The following ZNF746 variants were observed in gnomAD, a reference collection of about 807,000 sequenced individuals.
ZNF746 encodes parkin-interacting substrate.
A neutral mutation model predicts 41.0 loss-of-function variants in ZNF746; 13 were observed. The ratio of observed to expected loss-of-function variants is 0.32; its 90% confidence interval spans 0.21 to 0.50. The LOEUF is 0.50. ZNF746 is among the 20% of genes least tolerant of loss of function. The pLI, the probability that ZNF746 is intolerant of heterozygous loss-of-function variation, is 0.98. For synonymous variants in ZNF746, 424 were observed against 396.2 expected, an observed-to-expected ratio of 1.07 and a Z score of -0.83; for missense variants, 811 against 922.9, an observed-to-expected ratio of 0.88 and a Z score of 1.57.
At chr7:149,485,150 T>G (rs1474120147) in intron 4 of ZNF746, among the ~76,000 whole-genome samples, 4 of 107,628 alleles carry the variant, frequency 3.7e-5, no homozygotes, top group African/African-American at 1.3e-4. Flanking sequence ...CAAAAGTGAT[T>G]TAAAAAAAAA....
intron 4 of ZNF746, chr7:149,489,239 A>T (rs1408568375): frequency 7.4e-6 from 1 of 134,942 alleles, no homozygotes; most frequent in Non-Finnish European, 1.6e-5. Context: ...TATTTCACAC[A>T]CACACACACA....
rs201608764 is a variant in ZNF746 at position 149,479,777 on chromosome 7, G to A, written c.566-2022C>T. 3.3e-5 allele frequency among the ~76,000 whole-genome samples: 5 copies of A among 152,288 alleles called. No homozygotes were observed. The East Asian group carries it at 9.7e-4, about 29-fold the overall frequency. ...AGGCTGGGTACAGTGGCTCATGTCT[G>A]TAATCTCAGCAGTCTGGGAGGCTGA... is the stretch of plus-strand genomic sequence containing the variant. On this transcript the variant is annotated intron_variant, in intron 4 of 6. Transcript: ENST00000458143.
At chr7:149,493,220 T>C (rs1800869942) in intron 3 of ZNF746, among the ~76,000 whole-genome samples, 1 of 152,136 alleles carries the variant, frequency 6.6e-6, no homozygotes, top group Non-Finnish European at 1.5e-5. Context: ...GGGCTGCTGC[T>C]CAACATCCTA....
Position 149,494,440 on chromosome 7 carries a change from C to T in ZNF746, c.88G>A (p.Ala30Thr), listed in dbSNP as rs750121866. Residue 30 changes from alanine to threonine, a missense_variant, in exon 2 of 7, where the codon GCT (alanine) becomes ACT (threonine). Ala to Thr is a moderately conservative substitution (Grantham distance 58, BLOSUM62 0). Around this residue, in one of 4 missense-constraint regions of ZNF746, gnomAD observed 147 missense variants for 233.4 expected, o/e 0.63. Transcript: ENST00000458143. This position sits in a 1 kb window ranked among gnomAD's most constrained non-coding sequence, Gnocchi z 5.6. ...CGACCTTCTAGGGAAAGCAGGCGAG[C>T]AGCCTGCGATTCAATCTTCCTCTCC... The part of the protein sequence containing the change: ...AMERKIESQA[A>T]RLLSLEGRTG... 14 of 1,614,018 alleles carry T rather than the reference C, an allele frequency of 8.7e-6. No individual in the cohort carries two copies. Among genetic ancestry groups the T allele is most frequent in the Admixed American group, 5.0e-5 (3 of 60,024 alleles).
chr7:149,496,934 G>A (rs1801018162), intron 1 of ZNF746: 9 of 985,128 alleles, frequency 9.1e-6, no homozygotes, highest in Non-Finnish European at 1.1e-5. Context: ...CTAGGCCCCG[G>A]GTTTTTCTTT....
chr7:149,492,014 G>T, intron 4 of ZNF746: 1 of 702,492 alleles, frequency 1.4e-6, no homozygotes, highest in South Asian at 1.5e-5. Context: ...CCATAAGGCT[G>T]ACCAATGTAG....
rs139716496 is a variant in ZNF746 at position 149,494,942 on chromosome 7, C to T, written c.25-439G>A. Among the ~76,000 whole-genome samples the T allele has an allele frequency of 6.6e-6, 1 of 152,066 alleles. No individual in the cohort carries two copies. Among genetic ancestry groups the T allele is most frequent in the East Asian group, 1.9e-4 (1 of 5,158 alleles). On this transcript the variant is annotated intron_variant, in intron 1 of 6. Transcript: ENST00000458143. This position sits in a 1 kb window ranked among gnomAD's most constrained non-coding sequence, Gnocchi z 5.6. The stretch of plus-strand genomic sequence containing the variant: ...TGCAGATTTACTAGAGCGCAGCCTG[C>T]ACCTCCCCTCATGATTACACAGGAA...
At chr7:149,495,573 G>T (rs1325770309) in intron 1 of ZNF746, among the ~76,000 whole-genome samples, 6 of 152,134 alleles carry the variant, frequency 3.9e-5, no homozygotes, top group Non-Finnish European at 8.8e-5. Flanking sequence ...TCCTGGTATC[G>T]GGACCTGAGG....
In ZNF746 at chr7:149,474,899, T is replaced by G; in HGVS notation, c.1468A>C (p.Ser490Arg). The change falls in exon 7 of 7, where the codon AGC becomes CGC. Residue 490 changes from serine to arginine, a missense_variant. Around this residue, in one of 4 missense-constraint regions of ZNF746, gnomAD observed 495 missense variants for 481.6 expected, o/e 1.03. Coordinates refer to ENST00000458143, the MANE Select transcript of ZNF746 (RefSeq NM_001394198.1). The surrounding 1 kb of genome is among the most constrained non-coding windows in gnomAD (Gnocchi z 6.3). ...CCCGACCCGTCGGGCGCCCCACAGC[T>G]GCGCTGGTGCGCGCTCAGGCTGACT... is the stretch of plus-strand genomic sequence containing the variant. ...LQVSLSAHQR[S>R]CGAPDGSGPG... The G allele has an allele frequency of 2.0e-6, 3 of 1,534,254 alleles. No homozygotes were observed. Among genetic ancestry groups the G allele is most frequent in the Non-Finnish European group, 2.6e-6 (3 of 1,144,742 alleles).
Position 149,475,083 on chromosome 7 carries a change from C to T in ZNF746, c.1284G>A (p.Leu428=). The T allele has an allele frequency of 6.2e-7, 1 of 1,600,510 alleles. No homozygotes were observed. The highest frequency in any genetic ancestry group is 8.5e-7 in the Non-Finnish European group (1 of 1,174,404). Residue 428 remains leucine, a synonymous_variant, in exon 7 of 7, where the codon TTG becomes TTA. Coordinates refer to ENST00000458143, the MANE Select transcript of ZNF746 (RefSeq NM_001394198.1). ...ATGGCCTTGGGGCCTGGCTGGGGTCCAAGATGGCCTCTCCGTTGTCCGGGG... is the reference window on the plus strand; with the variant it reads ...ATGGCCTTGGGGCCTGGCTGGGGTCTAAGATGGCCTCTCCGTTGTCCGGGG... ...YSSPDNGEAI[L]DPSQAPRPFN... is the part of the protein sequence containing the mutation.
Position 149,488,419 on chromosome 7 carries a change from C to T in ZNF746, c.565+4440G>A, listed in dbSNP as rs765137692. 2.6e-5 allele frequency: 4 copies of T among 152,056 alleles called. No individual in the cohort carries two copies. In the South Asian group the frequency reaches 8.3e-4, roughly 32 times the overall value. The allele number at this position is 152,056 out of a possible 1,614,324, so 9.4% of individuals were successfully genotyped here. A position where few individuals can be genotyped will look rare whatever the true frequency, so the allele number is the denominator to read the frequency against. On this transcript the variant is annotated intron_variant, in intron 4 of 6. Transcript: ENST00000458143. ...TTGACTCTTTCAACAGTGAAAACTT[C>T]CATACAAGAACTACAACGTTAAAGA...
Position 149,477,654 on chromosome 7 carries a change from C to T in ZNF746, c.667G>A (p.Ala223Thr). The stretch of plus-strand genomic sequence containing the variant: ...TCCCCAATATCTGGCTGCCCGGCTG[C>T]CCACGCCTCCACGCCCAGGGCCTGC... ...EQQALGVEAW[A>T]AGQPDIGEEP... The change falls in exon 5 of 7, where the codon GCA becomes ACA. Residue 223 changes from alanine (A) to threonine (T), a missense_variant. Coordinates refer to ENST00000458143, the MANE Select transcript of ZNF746 (RefSeq NM_001394198.1). 6.2e-7 allele frequency: 1 copy of T among 1,614,060 alleles called. No homozygotes were observed. The highest frequency in any genetic ancestry group is 8.5e-7 in the Non-Finnish European group (1 of 1,179,968).
In ZNF746 at chr7:149,474,984, C is replaced by A; in HGVS notation, c.1383G>T (p.Ala461=). 6.5e-7 allele frequency: 1 copy of A among 1,548,186 alleles called. No homozygotes were observed. The part of the protein sequence containing the change: ...GHKPGLKKHP[A]APPGGRPFTC... ...TGAAGGGCCGGCCCCCGGGGGGCGC[C>A]GCGGGGTGCTTCTTCAGCCCTGGCT... The change falls in exon 7 of 7, where the codon GCG becomes GCT. Residue 461 remains alanine, a synonymous_variant. Coordinates refer to ENST00000458143, the MANE Select transcript of ZNF746 (RefSeq NM_001394198.1). The surrounding 1 kb of genome is among the most constrained non-coding windows in gnomAD (Gnocchi z 6.3).
Position 149,473,750 on chromosome 7 carries a change from A to C in ZNF746, c.*634T>G, listed in dbSNP as rs1055964352. 1 of 155,964 alleles carries C rather than the reference A, an allele frequency of 6.4e-6. No individual in the cohort carries two copies. Among genetic ancestry groups the C allele is most frequent in the Non-Finnish European group, 1.4e-5 (1 of 70,132 alleles). The allele number at this position is 155,964 out of a possible 1,614,324, so 9.7% of individuals were successfully genotyped here. A position where few individuals can be genotyped will look rare whatever the true frequency, so the allele number is the denominator to read the frequency against. ...GGACGGGTACCACAGATGGCCCAAAATAGAGAAAAGTTGGGGCCAGCACTT... is the reference window on the plus strand; with the variant it reads ...GGACGGGTACCACAGATGGCCCAAACTAGAGAAAAGTTGGGGCCAGCACTT... On this transcript the variant is annotated 3_prime_UTR_variant, in exon 7 of 7. Transcript: ENST00000458143.
In ZNF746 at chr7:149,497,232, G is replaced by A; in HGVS notation, c.24+281C>T. The stretch of plus-strand genomic sequence containing the variant: ...CCAGAAGGAGGGGACAGCGGCTGGG[G>A]CGGGGGCAGGAAGCCCCGGAGGGCC... On this transcript the variant is annotated intron_variant, in intron 1 of 6. Transcript: ENST00000458143. The surrounding 1 kb of genome is among the most constrained non-coding windows in gnomAD (Gnocchi z 4.2). 1 of 982,576 alleles carries A rather than the reference G, an allele frequency of 1.0e-6. No individual in the cohort carries two copies. Among genetic ancestry groups the A allele is most frequent in the Non-Finnish European group, 1.2e-6 (1 of 827,334 alleles). 60.9% of individuals were successfully genotyped at this position (982,576 alleles called of 1,614,324 possible).
chr7:149,478,547 C>T (rs1800388460), intron 4 of ZNF746, among the ~76,000 whole-genome samples: 1 of 152,212 alleles, frequency 6.6e-6, no homozygotes, highest in African/African-American at 2.4e-5. Flanking sequence ...CAGGAGGCCC[C>T]AGCATGGGCA....
chr7:149,496,875 G>C, intron 1 of ZNF746: 1 of 985,434 alleles, frequency 1.0e-6, no homozygotes, highest in Non-Finnish European at 1.2e-6. Flanking sequence ...CAGCCACTGT[G>C]TGTCTTTTCA....
At position 149,497,024 on chromosome 7, in the gene ZNF746, A is replaced by T; in HGVS notation, c.24+489T>A. On this transcript the variant is annotated intron_variant, in intron 1 of 6. Coordinates refer to ENST00000458143, the MANE Select transcript of ZNF746 (RefSeq NM_001394198.1). The surrounding 1 kb of genome is among the most constrained non-coding windows in gnomAD (Gnocchi z 4.2). ...ACTAACGCCTCAACAGGGCTTGTGG[A>T]AGTGCGTGGCTCTATATTCCCTTCC... The T allele has an allele frequency of 1.0e-6, 1 of 985,376 alleles. No homozygotes were observed. Among genetic ancestry groups the T allele is most frequent in the Non-Finnish European group, 1.2e-6 (1 of 829,922 alleles). 61.0% of individuals were successfully genotyped at this position (985,376 alleles called of 1,614,324 possible).
chr7:149,492,868 G>T lies in ZNF746; in HGVS notation c.556C>A (p.Pro186Thr). Residue 186 changes from proline (P) to threonine (T), a missense_variant, in exon 4 of 7, where the codon CCC becomes ACC. Pro to Thr is a conservative substitution (Grantham distance 38). Around this residue, in one of 4 missense-constraint regions of ZNF746, gnomAD observed 495 missense variants for 481.6 expected, o/e 1.03. Transcript: ENST00000458143. ...TTCTCCCAGCCCTTACCTGGACTGG[G>T]GTCCACAGGAACATCTGGAATCTTG... Reference protein sequence around the residue: ...GPKIPDVPVDPSPGSGPPVPA... With the variant: ...GPKIPDVPVDTSPGSGPPVPA... The T allele has an allele frequency of 6.2e-7, 1 of 1,613,116 alleles. No homozygotes were observed. The highest frequency in any genetic ancestry group is 8.5e-7 in the Non-Finnish European group (1 of 1,179,308).
Sources: gnomAD v4.1 joint callset for allele counts (sites outside exome capture counted in the v4.1 genomes callset) on GRCh38, gnomAD v4.1.1 for gene constraint, gnomAD v4.1.1 regional missense constraint, Gnocchi (gnomAD v3.1) non-coding constraint, MANE v1.5 for transcripts, NCBI Gene and HGNC (gene_info 2026-07-23, HGNC 2026-07-21) for gene names.